The following PDLIM5 variants were observed in gnomAD, a reference collection of about 807,000 sequenced individuals.
PDLIM5 encodes the protein PDZ and LIM domain 5.
In PDLIM5, 34 loss-of-function variants were observed where a neutral mutation model predicts 64.2. The observed-to-expected ratio is 0.53, with a 90% CI of 0.40 to 0.71. The LOEUF is 0.71. PDLIM5 is among the 30% of genes least tolerant of loss of function. The pLI, the probability that PDLIM5 is intolerant of heterozygous loss-of-function variation, is 0.00. For missense variants in PDLIM5, 683 were observed against 733.6 expected (o/e 0.93, Z 0.80); for synonymous variants, 253 against 269.1 (o/e 0.94, Z 0.59).
intron 5 of PDLIM5, among the ~76,000 whole-genome samples, chr4:94,585,358 G>A (rs1426640186): frequency 6.6e-6 from 1 of 152,126 alleles, no homozygotes; most frequent in Non-Finnish European, 1.5e-5. Context: ...CCAAAGTGCT[G>A]GGATTACAGG....
chr4:94,510,430 T>C (rs1728767511), intron 2 of PDLIM5, among the ~76,000 whole-genome samples: 2 of 152,230 alleles, frequency 1.3e-5, no homozygotes, highest in South Asian at 4.1e-4. Flanking sequence ...TTTGGAATGG[T>C]TCCCCAATCT....
chr4:94,491,329 A>G (rs964544505), intron 2 of PDLIM5, among the ~76,000 whole-genome samples: 1 of 152,176 alleles, frequency 6.6e-6, no homozygotes, highest in South Asian at 2.1e-4. Flanking sequence ...GACATTGATT[A>G]TCCTTATCTA....
intron 3 of PDLIM5, among the ~76,000 whole-genome samples, chr4:94,545,435 C>G (rs774233389): frequency 1.5e-4 from 23 of 151,788 alleles, no homozygotes; most frequent in African/African-American, 4.4e-4. Flanking sequence ...TATGTTTTTC[C>G]GGGGGAAAAA....
intron 7 of PDLIM5, among the ~76,000 whole-genome samples, chr4:94,616,360 T>G (rs1045867772): frequency 2.0e-5 from 3 of 152,206 alleles, no homozygotes; most frequent in Non-Finnish European, 4.4e-5. Flanking sequence ...AAGGTTATAT[T>G]CTGTGCCTTA....
rs186001570 is a variant in PDLIM5, at chr4:94,482,165, G to A, written c.96+26781G>A. ...TCTAGCATATCATGTTGTGATTTGG[G>A]TTATTTATTTATTTTTTTTAAAGAG... On this transcript the variant is annotated intron_variant, in intron 2 of 12. Transcript: ENST00000317968. Among the ~76,000 whole-genome samples the A allele has an allele frequency of 2.0e-3, 295 of 149,542 alleles. 2 individuals carry two copies. The Middle Eastern group carries it at 0.028, about 14-fold the overall frequency.
intron 7 of PDLIM5, among the ~76,000 whole-genome samples, chr4:94,600,240 T>C (rs934885229): frequency 6.6e-6 from 1 of 152,226 alleles, no homozygotes; most frequent in East Asian, 1.9e-4. Flanking sequence ...TTTTTTGTTA[T>C]TGAATGAATG....
intron 2 of PDLIM5, among the ~76,000 whole-genome samples, chr4:94,499,688 G>A (rs1727736928): frequency 6.6e-6 from 1 of 152,192 alleles, no homozygotes; most frequent in Non-Finnish European, 1.5e-5. Context: ...CAGATCCATG[G>A]CCTGTTAGGA....
At chr4:94,610,047 A>G in intron 7 of PDLIM5, 10 of 615,804 alleles carry the variant, frequency 1.6e-5, no homozygotes, top group Admixed American at 3.3e-5. Flanking sequence ...TACACTTCAC[A>G]CTTTTATAAT....
chr4:94,659,629 G>C (rs1742512549), intron 11 of PDLIM5, among the ~76,000 whole-genome samples: 1 of 151,746 alleles, frequency 6.6e-6, no homozygotes, highest in South Asian at 2.1e-4. Context: ...CCGGGTTCAT[G>C]CCATTCTCCT....
At chr4:94,629,345 T>TAAAG (rs939109730) in intron 8 of PDLIM5, among the ~76,000 whole-genome samples, 1 of 151,662 alleles carries the variant, frequency 6.6e-6, no homozygotes, top group Non-Finnish European at 1.5e-5. Context: ...AAAAAAAAAA[T>TAAAG]AAAGAAAGAA....
chr4:94,665,580 T>A lies in PDLIM5; in HGVS notation c.*1513T>A. 2.0e-6 allele frequency: 2 copies of A among 978,042 alleles called. No homozygotes were observed. Among genetic ancestry groups the A allele is most frequent in the Non-Finnish European group, 2.4e-6 (2 of 822,684 alleles). The allele number at this position is 978,042 out of a possible 1,614,324, so 60.6% of individuals were successfully genotyped here. A position where few individuals can be genotyped will look rare whatever the true frequency, so the allele number is the denominator to read the frequency against. On this transcript the variant is annotated 3_prime_UTR_variant, in exon 13 of 13. Transcript: ENST00000317968. ...AGAAGATTATACCCCCCAATTGTTTTTCAATCCCCTTTTCTCAAATAATAA... is the reference window on the plus strand; with the variant it reads ...AGAAGATTATACCCCCCAATTGTTTATCAATCCCCTTTTCTCAAATAATAA...
chr4:94,639,942 G>A (rs1239285394), intron 8 of PDLIM5, among the ~76,000 whole-genome samples: 3 of 151,748 alleles, frequency 2.0e-5, no homozygotes, highest in Non-Finnish European at 4.4e-5. Flanking sequence ...CACGAGAATC[G>A]CTTAAACCCA....
At chr4:94,487,230 C>T (rs1028932147) in intron 2 of PDLIM5, among the ~76,000 whole-genome samples, 3 of 152,134 alleles carry the variant, frequency 2.0e-5, no homozygotes, top group Admixed American at 2.0e-4. Flanking sequence ...TATTTTGTTA[C>T]ATTATCTCAT....
At chr4:94,479,828 T>C (rs1302224105) in intron 2 of PDLIM5, among the ~76,000 whole-genome samples, 7 of 152,218 alleles carry the variant, frequency 4.6e-5, no homozygotes, top group Non-Finnish European at 1.0e-4. Context: ...TTGTCTTTGC[T>C]TCGATCCTGA....
intron 2 of PDLIM5, among the ~76,000 whole-genome samples, chr4:94,515,195 A>G (rs1468170769): frequency 6.6e-6 from 1 of 152,186 alleles, no homozygotes; most frequent in Non-Finnish European, 1.5e-5. Flanking sequence ...TTGGGTACAC[A>G]TGTGAAAAGT....
intron 3 of PDLIM5, among the ~76,000 whole-genome samples, chr4:94,527,363 C>T (rs938976233): frequency 1.3e-4 from 20 of 152,176 alleles, no homozygotes; most frequent in Non-Finnish European, 4.4e-5. Context: ...CCCTGAACAG[C>T]ATTCTTAATT....
chr4:94,608,858 T>C (rs1738136670), intron 7 of PDLIM5, among the ~76,000 whole-genome samples: 1 of 152,166 alleles, frequency 6.6e-6, no homozygotes, highest in South Asian at 2.1e-4. Context: ...TGCTCTGCCA[T>C]TGATAACATC....
At chr4:94,574,334 T>C (rs1021658645) in intron 4 of PDLIM5, among the ~76,000 whole-genome samples, 1 of 151,938 alleles carries the variant, frequency 6.6e-6, no homozygotes. Flanking sequence ...TTCATCTCTA[T>C]TGAAAATACA....
chr4:94,609,030 C>T (rs1017794072), intron 7 of PDLIM5, among the ~76,000 whole-genome samples: 3 of 152,072 alleles, frequency 2.0e-5, no homozygotes, highest in African/African-American at 7.2e-5. Context: ...GCAACTATTT[C>T]CTTAATTTTT....
Sources: gnomAD v4.1 joint callset for allele counts (sites outside exome capture counted in the v4.1 genomes callset) on GRCh38, gnomAD v4.1.1 for gene constraint, MANE v1.5 for transcripts, NCBI Gene and HGNC (gene_info 2026-07-23, HGNC 2026-07-21) for gene names.